The following KHNYN variants were observed in gnomAD, a reference collection of about 807,000 sequenced individuals.
KHNYN encodes the protein KH and NYN domain containing.
A neutral mutation model predicts 62.7 loss-of-function variants in KHNYN; 42 were observed. The ratio of observed to expected loss-of-function variants is 0.67; its 90% confidence interval spans 0.52 to 0.87. The LOEUF (loss-of-function observed/expected upper bound fraction) is 0.87, where lower values mean the gene tolerates loss of function less well. KHNYN is among the 40% of genes least tolerant of loss of function. The pLI, the probability that KHNYN is intolerant of heterozygous loss-of-function variation, is 0.00. For missense variants in KHNYN, 829 were observed against 874.1 expected (o/e 0.95, Z 0.65); for synonymous variants, 347 against 345.6 (o/e 1.00, Z -0.04).
At chr14:24,425,748 A>G (rs1466758199), upstream of KHNYN, among the ~76,000 whole-genome samples, 2 of 152,234 alleles carry the variant, frequency 1.3e-5, no homozygotes, top group Non-Finnish European at 2.9e-5. Flanking sequence ...ATTTTCTAGG[A>G]GATGAACGAT....
chr14:24,431,953 G>T lies in KHNYN; in HGVS notation c.692G>T (p.Gly231Val), dbSNP rs200405155. ...GGAGTGAGAGCTCCCCCTAGTGACG[G>T]CAGGGAGTCCCTGGACACTGGATCT... ...CQGVRAPPSD[G>V]RESLDTGSMG... is the part of the protein sequence containing the mutation. Residue 231 changes from glycine to valine, a missense_variant, in exon 3 of 8, where the codon GGC becomes GTC. Coordinates refer to ENST00000553935, the MANE Select transcript of KHNYN (RefSeq NM_015299.3). 7.4e-6 allele frequency: 12 copies of T among 1,613,340 alleles called. No individual in the cohort carries two copies. In the African/African-American group the frequency reaches 1.6e-4, roughly 21 times the overall value.
At chr14:24,428,878 G>C, upstream of KHNYN, 2 of 1,601,976 alleles carry the variant, frequency 1.2e-6, no homozygotes, top group South Asian at 1.1e-5. Context: ...CTGCTCCCCC[G>C]GGCCCCCCTG....
chr14:24,430,842 G>C lies in KHNYN; in HGVS notation c.112G>C (p.Gly38Arg). ...CCATGTGGAGCGCATCTTCAGCGTGGGGGTGAGCGTCCTTCCGAAGGACTG... is the reference window on the plus strand; with the variant it reads ...CCATGTGGAGCGCATCTTCAGCGTGCGGGTGAGCGTCCTTCCGAAGGACTG... Reference protein sequence around the residue: ...QPHVERIFSVGVSVLPKDCPD... With the variant: ...QPHVERIFSVRVSVLPKDCPD... The change falls in exon 2 of 8, where the codon GGG becomes CGG. Residue 38 changes from glycine to arginine, a missense_variant. By Grantham distance (125) the Gly-to-Arg change is moderately radical. Coordinates refer to ENST00000553935, the MANE Select transcript of KHNYN (RefSeq NM_015299.3). 6.2e-7 allele frequency: 1 copy of C among 1,613,542 alleles called. No individual in the cohort carries two copies. Among genetic ancestry groups the C allele is most frequent in the Non-Finnish European group, 8.5e-7 (1 of 1,179,794 alleles).
At chr14:24,434,357 T>C in intron 5 of KHNYN, 1 of 985,416 alleles carries the variant, frequency 1.0e-6, no homozygotes, top group Non-Finnish European at 1.2e-6. Flanking sequence ...TAGTAAAATA[T>C]GCTTAACTGG....
At chr14:24,436,612 T>G (rs2043209111) in intron 7 of KHNYN, 123 bp downstream of exon 7, 1 of 695,684 alleles carries the variant, frequency 1.4e-6, no homozygotes, top group Non-Finnish European at 2.4e-6. Context: ...GTGGTTTGAG[T>G]TGCATTGGCC....
intron 2 of KHNYN, 56 bp downstream of exon 2, chr14:24,430,987 CGGA>C: frequency 7.2e-6 from 11 of 1,519,014 alleles, no homozygotes; most frequent in Non-Finnish European, 9.9e-6. Flanking sequence ...TCCCCCAGGG[CGGA>C]GGAGAGCAGG....
upstream of KHNYN, among the ~76,000 whole-genome samples, chr14:24,425,517 G>A (rs991063171): frequency 6.6e-6 from 1 of 152,214 alleles, no homozygotes; most frequent in Non-Finnish European, 1.5e-5. Flanking sequence ...GGCAAGCTAA[G>A]GATGGTAGAA....
At chr14:24,428,801 G>C, upstream of KHNYN, 1 of 1,609,514 alleles carries the variant, frequency 6.2e-7, no homozygotes, top group Non-Finnish European at 8.5e-7. Flanking sequence ...GGTTTCCCCT[G>C]CTGGCTCATG....
chr14:24,425,849 A>G (rs2043015129), upstream of KHNYN, among the ~76,000 whole-genome samples: 1 of 152,218 alleles, frequency 6.6e-6, no homozygotes, highest in Non-Finnish European at 1.5e-5. Context: ...TCTTAGTTGC[A>G]AAATATACTC....
At chr14:24,429,609 C>G, upstream of KHNYN, 1 of 986,776 alleles carries the variant, frequency 1.0e-6, no homozygotes, top group Non-Finnish European at 1.3e-6. Flanking sequence ...CGCCTACCCC[C>G]TCCGCCACGA....
upstream of KHNYN, chr14:24,429,286 G>C (rs916792258): frequency 4.3e-6 from 3 of 698,458 alleles, no homozygotes; most frequent in African/African-American, 5.3e-5. Flanking sequence ...GTTGGGCTTT[G>C]GGAGAGAAAG....
Position 24,430,697 on chromosome 14 carries a change from G to C in KHNYN, c.-17-17G>C. On this transcript the variant is annotated splice_polypyrimidine_tract_variant and intron_variant, in intron 1 of 7. Transcript: ENST00000553935. Reference sequence around the variant, plus strand: ...GGAGGGTACAATGAGGCTCTGAGCTGCCTTCTCCCCTTCCAGGGCTGGGGG... The same window carrying C: ...GGAGGGTACAATGAGGCTCTGAGCTCCCTTCTCCCCTTCCAGGGCTGGGGG... 1 of 1,550,554 alleles carries C rather than the reference G, an allele frequency of 6.4e-7. No individual in the cohort carries two copies. The highest frequency in any genetic ancestry group is 8.7e-7 in the Non-Finnish European group (1 of 1,146,720).
chr14:24,431,375 C>A, intron 2 of KHNYN, 88 bp from the exon 3 acceptor site: 1 of 1,051,050 alleles, frequency 9.5e-7, no homozygotes, highest in Non-Finnish European at 1.4e-6. Context: ...CTCCAGACAT[C>A]CTGGAGCTCA....
At chr14:24,434,016 C>CT (rs1254444077) in intron 5 of KHNYN, 1 of 401,422 alleles carries the variant, frequency 2.5e-6, no homozygotes, top group Admixed American at 6.4e-5. Context: ...TTTTCAAACA[C>CT]TTACCTTCTA....
chr14:24,425,427 A>C (rs1259839418), upstream of KHNYN, among the ~76,000 whole-genome samples: 1 of 152,120 alleles, frequency 6.6e-6, no homozygotes, highest in African/African-American at 2.4e-5. Flanking sequence ...AAGGAAAGAG[A>C]TGTGTTGTTT....
chr14:24,436,347 A>G (rs1295407848), intron 6 of KHNYN, 41 bp from the exon 7 acceptor site: 1 of 1,552,690 alleles, frequency 6.4e-7, no homozygotes, highest in South Asian at 1.1e-5. Context: ...GAGGTGGGCA[A>G]GGGCCCCCTC....
chr14:24,429,416 G>A, upstream of KHNYN: 1 of 542,358 alleles, frequency 1.8e-6, no homozygotes, highest in East Asian at 4.6e-5. Flanking sequence ...TGGTATGTGT[G>A]TGTGACGGGT....
upstream of KHNYN, chr14:24,429,095 GC>G (rs1383167497): frequency 6.8e-7 from 1 of 1,460,628 alleles, no homozygotes; most frequent in Non-Finnish European, 9.1e-7. Flanking sequence ...CCGGTCTTCT[GC>G]CCCTCTTCTG....
chr14:24,428,192 G>A, upstream of KHNYN: 1 of 1,528,940 alleles, frequency 6.5e-7, no homozygotes, highest in South Asian at 1.2e-5. Flanking sequence ...CAGGACACAG[G>A]TCAATGGAGA....
Sources: allele counts gnomAD v4.1 joint callset (sites outside exome capture counted in the v4.1 genomes callset), GRCh38; gene constraint gnomAD v4.1.1; transcripts MANE v1.5; gene names NCBI Gene and HGNC (gene_info 2026-07-23, HGNC 2026-07-21).